GUCY2C: variants seen among roughly 807,000 people sequenced by gnomAD.
GUCY2C encodes the protein guanylate cyclase 2C.
Under a neutral mutation model 131.1 loss-of-function variants are expected in GUCY2C, and 118 were observed. The ratio of observed to expected loss-of-function variants is 0.90; its 90% CI spans 0.78 to 1.05. The LOEUF is 1.05. Ranked by LOEUF, GUCY2C falls within the 50% of genes least tolerant of loss-of-function variation. The pLI, the probability that GUCY2C is intolerant of heterozygous loss-of-function variation, is 0.00. For synonymous variants in GUCY2C, 452 were observed against 457.8 expected, an observed-to-expected ratio of 0.99 and a Z score of 0.16; for missense variants, 1,161 against 1,304.4, an observed-to-expected ratio of 0.89 and a Z score of 1.69.
In GUCY2C at chr12:14,625,934, A is replaced by G. The variant is rs1166843633; in HGVS notation, c.2250-19T>C. The G allele has an allele frequency of 1.4e-6, 2 of 1,464,552 alleles. No individual in the cohort carries two copies. The allele number at this position is 1,464,552 out of a possible 1,614,324, so 90.7% of individuals were successfully genotyped here. On this transcript the variant is annotated intron_variant, in intron 20 of 26. Coordinates refer to ENST00000261170, the MANE Select transcript of GUCY2C (RefSeq NM_004963.4). ...AAAAAGTCTGTAGGTAGTAATAGAT[A>G]AAGAGCTCTTATATATTATTAAGAA...
intron 12 of GUCY2C, among the ~76,000 whole-genome samples, chr12:14,654,582 A>C (rs1156746861): frequency 6.6e-6 from 1 of 152,218 alleles, no homozygotes; most frequent in African/African-American, 2.4e-5. Context: ...ACTCATAAAA[A>C]TTTTGTAAAG....
chr12:14,675,750 A>G (rs573361329), intron 7 of GUCY2C, among the ~76,000 whole-genome samples: 4 of 152,314 alleles, frequency 2.6e-5, no homozygotes, highest in East Asian at 3.9e-4. Flanking sequence ...AGTGGGTTCT[A>G]TTACCTCCGG....
chr12:14,633,855 A>T (rs1047430737), intron 19 of GUCY2C, among the ~76,000 whole-genome samples: 2 of 152,088 alleles, frequency 1.3e-5, no homozygotes, highest in African/African-American at 4.8e-5. Context: ...TAATCCAATA[A>T]GACAAAAATA....
chr12:14,643,491 G>C lies in GUCY2C; in HGVS notation c.1930+83C>G, dbSNP rs1479995228. The stretch of plus-strand genomic sequence containing the variant: ...GCTTTAAGTGCTTATCTTCTGATCA[G>C]TATTACAATTTCCTGACCACGCTAC... On this transcript the variant is annotated intron_variant, in intron 17 of 26. Coordinates refer to ENST00000261170, the MANE Select transcript of GUCY2C (RefSeq NM_004963.4). 4.1e-6 allele frequency: 5 copies of C among 1,233,604 alleles called. No homozygotes were observed. The Admixed American group carries it at 5.4e-5, about 13-fold the overall frequency. The allele number at this position is 1,233,604 out of a possible 1,614,324, so 76.4% of individuals were successfully genotyped here. A position where few individuals can be genotyped will look rare whatever the true frequency, so the allele number is the denominator to read the frequency against.
rs1300254426 is a variant in GUCY2C at position 14,613,887 on chromosome 12, G to A, written c.3048-596C>T. On this transcript the variant is annotated intron_variant, in intron 26 of 26. Transcript: ENST00000261170. This position sits in a 1 kb window ranked among gnomAD's most constrained non-coding sequence, Gnocchi z 4.9. ...AATGGCCATATGGCTGCAGTAACAT[G>A]TATTGACAGGCAACTGGGTGACAGC... is the stretch of plus-strand genomic sequence containing the variant. 6.6e-6 allele frequency among the ~76,000 whole-genome samples: 1 copy of A among 152,148 alleles called. No homozygotes were observed. The highest frequency in any genetic ancestry group is 1.5e-5 in the Non-Finnish European group (1 of 68,028).
rs1946687362 is a variant in GUCY2C, at chr12:14,613,225, C to T, written c.3114G>A (p.Gln1038=). The T allele has an allele frequency of 6.2e-7, 1 of 1,613,350 alleles. No homozygotes were observed. Among genetic ancestry groups the T allele is most frequent in the East Asian group, 2.2e-5 (1 of 44,862 alleles). ...GTTTTTGGCTTCTTATCCCTGCTGC[C>T]TGTCTTTTCTGTAAAGAGTTGGCAA... is the stretch of plus-strand genomic sequence containing the variant. ...DMIANSLQKR[Q]AAGIRSQKPR... is the part of the protein sequence containing the mutation. Residue 1038 remains glutamine (Q), a synonymous_variant, in exon 27 of 27, where the codon CAG becomes CAA. Coordinates refer to ENST00000261170, the MANE Select transcript of GUCY2C (RefSeq NM_004963.4). This position sits in a 1 kb window ranked among gnomAD's most constrained non-coding sequence, Gnocchi z 4.9.
intron 15 of GUCY2C, among the ~76,000 whole-genome samples, chr12:14,646,157 A>G (rs1203193796): frequency 1.3e-5 from 2 of 152,204 alleles, no homozygotes; most frequent in Non-Finnish European, 2.9e-5. Context: ...TTTTCAAGTC[A>G]CTATTTTAAT....
chr12:14,687,692 T>A (rs112412827), intron 2 of GUCY2C, among the ~76,000 whole-genome samples: 4,614 of 152,126 alleles, frequency 0.03, 244 homozygotes, highest in African/African-American at 0.1. Flanking sequence ...GCAAAAGAAT[T>A]CCTCTCCTTA....
At chr12:14,677,640 G>A (rs1047744343) in intron 6 of GUCY2C, among the ~76,000 whole-genome samples, 8 of 151,764 alleles carry the variant, frequency 5.3e-5, no homozygotes, top group Non-Finnish European at 1.0e-4. Context: ...GCATGATCTC[G>A]GCTCACTGCA....
chr12:14,638,268 G>A (rs894949367), intron 19 of GUCY2C, among the ~76,000 whole-genome samples: 4 of 152,116 alleles, frequency 2.6e-5, no homozygotes, highest in African/African-American at 7.2e-5. Flanking sequence ...ACTGTTGATG[G>A]GAATGTAAAT....
chr12:14,657,498 C>G (rs976151337), intron 11 of GUCY2C, among the ~76,000 whole-genome samples: 10 of 151,724 alleles, frequency 6.6e-5, no homozygotes, highest in African/African-American at 2.2e-4. Flanking sequence ...GGGGATTAGG[C>G]CCCCAACCCC....
chr12:14,684,919 C>G lies in GUCY2C; in HGVS notation c.395+1242G>C, dbSNP rs530819635. On this transcript the variant is annotated intron_variant, in intron 3 of 26. Coordinates refer to ENST00000261170, the MANE Select transcript of GUCY2C (RefSeq NM_004963.4). ...CTCAAACTCCTGGGCTCAAGGGATC[C>G]TCCTGCTTCGGCCTCCCAAAGCCCT... Among the ~76,000 whole-genome samples the G allele has an allele frequency of 1.1e-3, 162 of 152,160 alleles. 1 individual carries two copies. Among genetic ancestry groups the G allele is most frequent in the South Asian group, 3.9e-3 (19 of 4,820 alleles).
At chr12:14,660,931 C>G (rs1947854373) in intron 11 of GUCY2C, 50 bp downstream of exon 11, 4 of 1,206,314 alleles carry the variant, frequency 3.3e-6, no homozygotes, top group Non-Finnish European at 4.9e-6. Flanking sequence ...CCCACTTTCC[C>G]TTCCTGCCTC....
At chr12:14,632,961 C>T (rs993286639) in intron 19 of GUCY2C, among the ~76,000 whole-genome samples, 1 of 152,208 alleles carries the variant, frequency 6.6e-6, no homozygotes, top group African/African-American at 2.4e-5. Flanking sequence ...CTACCAACAC[C>T]AGTGCAGACT....
At chr12:14,640,288 C>T (rs1324325115) in intron 18 of GUCY2C, among the ~76,000 whole-genome samples, 1 of 151,876 alleles carries the variant, frequency 6.6e-6, no homozygotes, top group Non-Finnish European at 1.5e-5. Context: ...GAAACCCCGT[C>T]TCTACATAAA....
intron 21 of GUCY2C, among the ~76,000 whole-genome samples, chr12:14,624,479 TAAAAA>T (rs1283051969): frequency 6.6e-6 from 1 of 151,722 alleles, no homozygotes; most frequent in Non-Finnish European, 1.5e-5. Flanking sequence ...AAAATAAAAA[TAAAAA>T]AGAAGAAACT....
At chr12:14,675,225 A>AAAAAG (rs1565630852) in intron 7 of GUCY2C, among the ~76,000 whole-genome samples, 13 of 144,076 alleles carry the variant, frequency 9.0e-5, no homozygotes, top group African/African-American at 3.1e-4. Flanking sequence ...AAAAAAAAAA[A>AAAAAG]AAAAGAAAAA....
chr12:14,627,912 G>A (rs113030877), intron 20 of GUCY2C, among the ~76,000 whole-genome samples: 2,264 of 152,192 alleles, frequency 0.015, 69 homozygotes, highest in African/African-American at 0.052. Flanking sequence ...GTCTCATTAA[G>A]TATCTGAGTC....
At chr12:14,661,589 C>A (rs893700201) in intron 10 of GUCY2C, among the ~76,000 whole-genome samples, 13 of 152,158 alleles carry the variant, frequency 8.5e-5, no homozygotes, top group African/African-American at 2.6e-4. Flanking sequence ...CAGGTGTGCG[C>A]CACCATGCCC....
Sources: allele counts gnomAD v4.1 joint callset (sites outside exome capture counted in the v4.1 genomes callset), GRCh38; gene constraint gnomAD v4.1.1; non-coding constraint Gnocchi (gnomAD v3.1); transcripts MANE v1.5; gene names NCBI Gene and HGNC (gene_info 2026-07-23, HGNC 2026-07-21).